Variants in JMJD1C observed in about 807,000 individuals in gnomAD.
JMJD1C encodes jumonji domain-containing protein 1C.
Under a neutral mutation model 245.3 loss-of-function variants are expected in JMJD1C, and 31 were observed. The ratio of observed to expected loss-of-function variants is 0.13; its 90% confidence interval spans 0.09 to 0.17. The LOEUF (loss-of-function observed/expected upper bound fraction) is 0.17, where lower values mean the gene tolerates loss of function less well. Among genes scored for constraint, JMJD1C ranks in the 10% least tolerant of loss-of-function variants. JMJD1C has a pLI of 1.00. For missense variants in JMJD1C, 2,691 were observed against 3,000.2 expected, an observed-to-expected ratio of 0.90 and a Z score of 2.41; for synonymous variants, 1,057 against 1,017.4, an observed-to-expected ratio of 1.04 and a Z score of -0.74.
intron 1 of JMJD1C, among the ~76,000 whole-genome samples, chr10:63,516,606 T>C (rs1195916468): frequency 6.6e-6 from 1 of 152,200 alleles, no homozygotes; most frequent in Non-Finnish European, 1.5e-5. Flanking sequence ...CACAAAACCA[T>C]ATTTTACCAT....
intron 1 of JMJD1C, among the ~76,000 whole-genome samples, chr10:63,406,560 T>C (rs1248006102): frequency 6.6e-6 from 1 of 152,038 alleles, no homozygotes; most frequent in Non-Finnish European, 1.5e-5. Context: ...TCCCTACAAG[T>C]GATGTTAAAT....
intron 1 of JMJD1C, among the ~76,000 whole-genome samples, chr10:63,385,010 A>T (rs957967991): frequency 1.3e-5 from 2 of 152,078 alleles, no homozygotes; most frequent in Non-Finnish European, 2.9e-5. Flanking sequence ...TATTCCTTTC[A>T]CTTGAAAACA....
At chr10:63,206,489 G>T in intron 10 of JMJD1C, 106 bp downstream of exon 10, 2 of 801,838 alleles carry the variant, frequency 2.5e-6, no homozygotes, top group African/African-American at 1.7e-5. Flanking sequence ...GCACGCAAAT[G>T]AAGACAAAGG....
At position 63,198,561 on chromosome 10, in the gene JMJD1C, G is replaced by A. The variant is rs1845695179; in HGVS notation, c.5443C>T (p.Gln1815Ter). 6.2e-7 allele frequency: 1 copy of A among 1,609,844 alleles called. No homozygotes were observed. Among genetic ancestry groups the A allele is most frequent in the Non-Finnish European group, 8.5e-7 (1 of 1,177,466 alleles). Residue 1815 changes from glutamine (Q) to a stop codon, truncating the protein, a stop_gained, in exon 12 of 26, where the codon CAA (glutamine) becomes TAA (stop). Coordinates refer to ENST00000399262, the MANE Select transcript of JMJD1C (RefSeq NM_032776.3). LOFTEE classifies it high-confidence loss of function. ...ILDIIGDKFC[Q>*]LVTSEKTALS... Reference sequence around the variant, plus strand: ...GCTGTTTTTTCAGATGTTACTAATTGACAGAACTTATCACCTATTATATCC... The same window carrying A: ...GCTGTTTTTTCAGATGTTACTAATTAACAGAACTTATCACCTATTATATCC...
intron 1 of JMJD1C, among the ~76,000 whole-genome samples, chr10:63,410,820 T>C (rs180991802): frequency 3.3e-4 from 50 of 152,306 alleles, no homozygotes; most frequent in Admixed American, 2.2e-3. Context: ...TGGAGAAAAG[T>C]AGATAAGAGC....
intron 3 of JMJD1C, among the ~76,000 whole-genome samples, chr10:63,232,883 CATTAA>C (rs1475340462): frequency 6.6e-6 from 1 of 152,046 alleles, no homozygotes; most frequent in African/African-American, 2.4e-5. Context: ...ATAAATTCAC[CATTAA>C]ATTAATTTCA....
intron 2 of JMJD1C, among the ~76,000 whole-genome samples, chr10:63,288,847 C>A (rs958995061): frequency 6.6e-6 from 1 of 150,802 alleles, no homozygotes; most frequent in Non-Finnish European, 1.5e-5. Flanking sequence ...CCACTGCATT[C>A]CAGCCTGGGC....
intron 10 of JMJD1C, chr10:63,203,760 A>G: frequency 1.0e-6 from 1 of 971,180 alleles, no homozygotes; most frequent in South Asian, 4.8e-5. Flanking sequence ...ATGTACTAAG[A>G]AACACACTAT....
intron 2 of JMJD1C, among the ~76,000 whole-genome samples, chr10:63,329,770 G>T (rs1361730046): frequency 6.6e-6 from 1 of 152,180 alleles, no homozygotes. Flanking sequence ...TTCAATGTGG[G>T]TTAGCAGCAG....
At position 63,185,551 on chromosome 10, in the gene JMJD1C, A is replaced by G. The variant is rs757416787; in HGVS notation, c.6830+12T>C. 6.6e-6 allele frequency: 10 copies of G among 1,514,476 alleles called. No homozygotes were observed. Among genetic ancestry groups the G allele is most frequent in the Non-Finnish European group, 9.2e-6 (10 of 1,088,476 alleles). The allele number at this position is 1,514,476 out of a possible 1,614,324, so 93.8% of individuals were successfully genotyped here. ...CTCAAAAAGTCAAGAGTCAAAATGA[A>G]AAGTTTCAAACCTTGCTGGCATCAT... On this transcript the variant is annotated intron_variant, in intron 20 of 25. Transcript: ENST00000399262.
At chr10:63,245,085 G>C (rs1852002059) in intron 3 of JMJD1C, among the ~76,000 whole-genome samples, 1 of 126,384 alleles carries the variant, frequency 7.9e-6, no homozygotes, top group Non-Finnish European at 1.6e-5. Context: ...AGTGAGCAGA[G>C]ATCGTGCCAC....
intron 1 of JMJD1C, among the ~76,000 whole-genome samples, chr10:63,401,641 G>A (rs1291908695): frequency 1.3e-5 from 2 of 151,994 alleles, no homozygotes; most frequent in African/African-American, 2.4e-5. Context: ...ATACCACCAC[G>A]TACACTTGAA....
chr10:63,247,738 A>AAT (rs1852430180), intron 3 of JMJD1C, among the ~76,000 whole-genome samples: 1 of 150,960 alleles, frequency 6.6e-6, no homozygotes, highest in Non-Finnish European at 1.5e-5. Flanking sequence ...AAAAAAAAAA[A>AAT]GAAACAAAAA....
At chr10:63,259,054 T>C (rs1407084121) in intron 3 of JMJD1C, among the ~76,000 whole-genome samples, 1 of 152,222 alleles carries the variant, frequency 6.6e-6, no homozygotes, top group East Asian at 1.9e-4. Context: ...CTGTCTGTAC[T>C]ATAAGCTGAA....
intron 2 of JMJD1C, among the ~76,000 whole-genome samples, chr10:63,304,420 A>C (rs1937721386): frequency 6.6e-6 from 1 of 151,714 alleles, no homozygotes; most frequent in Non-Finnish European, 1.5e-5. Context: ...TAAAAAAAAC[A>C]AAGCAAAACA....
chr10:63,167,739 T>C lies in JMJD1C; in HGVS notation c.*306A>G. 4.8e-6 allele frequency: 1 copy of C among 210,110 alleles called. No individual in the cohort carries two copies. The highest frequency in any genetic ancestry group is 9.6e-6 in the Non-Finnish European group (1 of 104,502). 13.0% of individuals were successfully genotyped at this position (210,110 alleles called of 1,614,324 possible). A position where few individuals can be genotyped will look rare whatever the true frequency, so the allele number is the denominator to read the frequency against. On this transcript the variant is annotated 3_prime_UTR_variant, in exon 26 of 26. Coordinates refer to ENST00000399262, the MANE Select transcript of JMJD1C (RefSeq NM_032776.3). The stretch of plus-strand genomic sequence containing the variant: ...ACTTGATCAACAATATAGCATAGAA[T>C]TTTTTATTTTTTACCAAAAATAAAT...
intron 1 of JMJD1C, among the ~76,000 whole-genome samples, chr10:63,495,145 A>T: frequency 6.6e-6 from 1 of 152,098 alleles, no homozygotes; most frequent in East Asian, 1.9e-4. Context: ...GCAACAATGA[A>T]TGCCTCGGGC....
At chr10:63,373,736 C>T (rs983351471) in intron 2 of JMJD1C, among the ~76,000 whole-genome samples, 3 of 152,168 alleles carry the variant, frequency 2.0e-5, no homozygotes, top group African/African-American at 7.2e-5. Flanking sequence ...ACAGATCCCT[C>T]AAATTTCTCA....
At chr10:63,515,837 A>G (rs1955001108) in intron 1 of JMJD1C, among the ~76,000 whole-genome samples, 1 of 152,226 alleles carries the variant, frequency 6.6e-6, no homozygotes, top group Admixed American at 6.5e-5. Context: ...GAAGATATAT[A>G]CCCAAAAATC....
Sources: gnomAD v4.1 joint callset for allele counts (sites outside exome capture counted in the v4.1 genomes callset) on GRCh38, gnomAD v4.1.1 for gene constraint, MANE v1.5 for transcripts, NCBI Gene and HGNC (gene_info 2026-07-23, HGNC 2026-07-21) for gene names.